NEB: variants seen among roughly 807,000 people sequenced by gnomAD.
NEB encodes nemaline myopathy type 2.
NEB carries 512 observed loss-of-function variants against 952.2 expected under a neutral mutation model. The observed-to-expected ratio is 0.54, with a 90% confidence interval of 0.50 to 0.58. The LOEUF (loss-of-function observed/expected upper bound fraction) is 0.58, where lower values mean the gene tolerates loss of function less well. NEB is among the 20% of genes least tolerant of loss of function. The pLI, the probability that NEB is intolerant of heterozygous loss-of-function variation, is 0.00. For missense variants in NEB, 8,428 were observed against 9,231.1 expected, an observed-to-expected ratio of 0.91 and a Z score of 3.56; for synonymous variants, 2,900 against 3,149.8, an observed-to-expected ratio of 0.92 and a Z score of 2.66.
chr2:151,630,862 A>G, intron 66 of NEB, 43 bp from the exon 67 acceptor site: 2 of 1,479,624 alleles, frequency 1.4e-6, no homozygotes, highest in African/African-American at 2.8e-5. Flanking sequence ...CATTTGAAAT[A>G]GAAATGACAA....
chr2:151,630,919 G>T, intron 66 of NEB, 100 bp from the exon 67 acceptor site: 1 of 1,223,996 alleles, frequency 8.2e-7, no homozygotes, highest in Non-Finnish European at 1.1e-6. Flanking sequence ...GGAAAAATAA[G>T]CCAGACTTGA....
chr2:151,499,371 A>T lies in NEB; in HGVS notation c.24041T>A (p.Val8014Asp), dbSNP rs200269437. The stretch of plus-strand genomic sequence containing the variant: ...GATGGGGATTGGAATCCCTTTTCCA[A>T]CGTTTTCTTTATACAACACCTGTAT... ...NFSSVLYKEN[V>D]GKGIPIPITP... The change falls in exon 169 of 182, where the codon GTT becomes GAT. Residue 8014 changes from valine (V) to aspartate (D), a missense_variant. Val to Asp is a radical substitution (Grantham distance 152, BLOSUM62 -3). Coordinates refer to ENST00000397345, the MANE Select transcript of NEB (RefSeq NM_001164508.2). 6.5e-7 allele frequency: 1 copy of T among 1,544,012 alleles called. No homozygotes were observed. Among genetic ancestry groups the T allele is most frequent in the East Asian group, 2.5e-5 (1 of 40,654 alleles).
intron 11 of NEB, among the ~76,000 whole-genome samples, chr2:151,710,019 C>T (rs1330665943): frequency 6.6e-6 from 1 of 152,056 alleles, no homozygotes; most frequent in Non-Finnish European, 1.5e-5. Context: ...CTCTTAAGGG[C>T]CAGGAGCAGG....
At chr2:151,697,804 C>T (rs2099606925) in intron 13 of NEB, among the ~76,000 whole-genome samples, 156 bp from the exon 14 acceptor site, 1 of 152,216 alleles carries the variant, frequency 6.6e-6, no homozygotes, top group South Asian at 2.1e-4. Context: ...CGGCGGCTCA[C>T]GCCTGTAATC....
intron 78 of NEB, among the ~76,000 whole-genome samples, chr2:151,611,364 A>C (rs1454382100): frequency 6.6e-6 from 1 of 152,202 alleles, no homozygotes; most frequent in East Asian, 1.9e-4. Context: ...AAAATGCCCA[A>C]GTCATAGCAG....
intron 138 of NEB, among the ~76,000 whole-genome samples, chr2:151,538,643 A>AG (rs958367399): frequency 2.6e-5 from 4 of 152,006 alleles, no homozygotes; most frequent in African/African-American, 9.7e-5. Context: ...TTCATTTGAG[A>AG]GAAAAAAAAA....
In NEB at chr2:151,512,019, CTTTTTTT is replaced by C. The variant is rs71403173; in HGVS notation, c.23346+707_23346+713del. On this transcript the variant is annotated intron_variant, in intron 161 of 181. Transcript: ENST00000397345. The stretch of plus-strand genomic sequence containing the variant: ...CTGCATCATAGGTTACCCTCTCACT[CTTTTTTT>C]TTTTTTTTTTTTTTTTTTTTTTGAG... Among the ~76,000 whole-genome samples, 586 of 93,524 alleles carry C rather than the reference CTTTTTTT, an allele frequency of 6.3e-3. 7 individuals carry two copies. The highest frequency in any genetic ancestry group is 9.5e-3 in the African/African-American group (221 of 23,288). 61.4% of individuals were successfully genotyped at this position (93,524 alleles called of 152,430 possible).
At chr2:151,511,428 C>T (rs942219969) in intron 161 of NEB, among the ~76,000 whole-genome samples, 5 of 152,130 alleles carry the variant, frequency 3.3e-5, no homozygotes, top group African/African-American at 1.2e-4. Context: ...ATCCTTGATT[C>T]CCCAACCTGA....
rs552113061 is a variant in NEB at position 151,619,356 on chromosome 2, T to C, written c.10872+95A>G. On this transcript the variant is annotated intron_variant, in intron 73 of 181. Coordinates refer to ENST00000397345, the MANE Select transcript of NEB (RefSeq NM_001164508.2). ...ATTTAATTGTAAATTGTTTGAAATA[T>C]ACAAACAAATTGCAGTTCATTGGCA... is the stretch of plus-strand genomic sequence containing the variant. 1.6e-4 allele frequency: 198 copies of C among 1,274,732 alleles called. 3 individuals are homozygous for C. The South Asian group carries it at 2.1e-3, about 13-fold the overall frequency. 79.0% of individuals were successfully genotyped at this position (1,274,732 alleles called of 1,614,324 possible).
chr2:151,560,093 A>G (rs1187210873), intron 124 of NEB, among the ~76,000 whole-genome samples: 4 of 152,174 alleles, frequency 2.6e-5, no homozygotes, highest in African/African-American at 9.6e-5. Flanking sequence ...TTGTTTTACA[A>G]TTATGTTTAT....
At chr2:151,622,127 A>C (rs1185537640) in intron 71 of NEB, among the ~76,000 whole-genome samples, 1 of 152,118 alleles carries the variant, frequency 6.6e-6, no homozygotes, top group Non-Finnish European at 1.5e-5. Flanking sequence ...CAGCCACCCG[A>C]GTAGCTGGGA....
At chr2:151,526,098 G>T (rs1156690356) in intron 149 of NEB, 30 bp from the exon 150 acceptor site, 9 of 1,611,264 alleles carry the variant, frequency 5.6e-6, no homozygotes, top group Non-Finnish European at 7.6e-6. Flanking sequence ...GCTCATTAAG[G>T]CATCTGCCTG....
chr2:151,705,510 G>A (rs2099701954), intron 13 of NEB, among the ~76,000 whole-genome samples: 1 of 152,176 alleles, frequency 6.6e-6, no homozygotes. Flanking sequence ...ATGGAAAACA[G>A]TATGGAGATT....
chr2:151,627,511 T>C lies in NEB; in HGVS notation c.10143+12A>G. The C allele has an allele frequency of 3.7e-6, 6 of 1,611,970 alleles. No individual in the cohort carries two copies. The highest frequency in any genetic ancestry group is 5.1e-6 in the Non-Finnish European group (6 of 1,178,100). On this transcript the variant is annotated intron_variant, in intron 69 of 181. Transcript: ENST00000397345. The stretch of plus-strand genomic sequence containing the variant: ...ATTATGAGCACAGTTACCATGGATC[T>C]TAATTACTCACATCGCTCTGGAGGT...
chr2:151,554,044 A>G lies in NEB; in HGVS notation c.19429-19T>C, dbSNP rs777639066. 1.9e-6 allele frequency: 3 copies of G among 1,611,064 alleles called. No homozygotes were observed. Among genetic ancestry groups the G allele is most frequent in the South Asian group, 2.2e-5 (2 of 90,852 alleles). The stretch of plus-strand genomic sequence containing the variant: ...ACAGGCGCTGTAAAGTTAAAATCAC[A>G]TGCCAGTTATACAGGAAATTGTGCC... On this transcript the variant is annotated intron_variant, in intron 125 of 181. Coordinates refer to ENST00000397345, the MANE Select transcript of NEB (RefSeq NM_001164508.2).
chr2:151,666,828 C>G (rs989915757), intron 40 of NEB, among the ~76,000 whole-genome samples: 1 of 152,010 alleles, frequency 6.6e-6, no homozygotes. Context: ...TCCCAAAGTG[C>G]TAGGATTAGA....
Position 151,687,657 on chromosome 2 carries a change from G to A in NEB, c.2492C>T (p.Ala831Val). 3.1e-6 allele frequency: 5 copies of A among 1,611,288 alleles called. No individual in the cohort carries two copies. Among genetic ancestry groups the A allele is most frequent in the Non-Finnish European group, 3.4e-6 (4 of 1,178,324 alleles). ...GGTGTTCTTGGTGTTGGCTTTGGCT[G>A]CCAACAGGGGAATGGCGTCCACTTT... ...DIKVDAIPLLAAKANTKNTSD... is the reference protein window; with the variant it reads ...DIKVDAIPLLVAKANTKNTSD... Residue 831 changes from alanine to valine, a missense_variant, in exon 26 of 182, where the codon GCA (alanine) becomes GTA (valine). Ala to Val is a moderately conservative substitution (Grantham distance 64). Around this residue, in one of 11 missense-constraint regions of NEB, gnomAD observed 2,851 missense variants for 2,791.5 expected, o/e 1.02. Transcript: ENST00000397345.
At chr2:151,524,193 T>C in intron 153 of NEB, 118 bp downstream of exon 153, 1 of 817,230 alleles carries the variant, frequency 1.2e-6, no homozygotes, top group Admixed American at 2.3e-5. Context: ...TTGGAAGCTT[T>C]GCAGTACTAT....
In NEB at chr2:151,569,309, A is replaced by G; in HGVS notation, c.17494T>C (p.Ser5832Pro). 1 of 1,613,970 alleles carries G rather than the reference A, an allele frequency of 6.2e-7. No homozygotes were observed. Among genetic ancestry groups the G allele is most frequent in the Non-Finnish European group, 8.5e-7 (1 of 1,179,854 alleles). Residue 5832 changes from serine (S) to proline (P), a missense_variant, in exon 110 of 182, where the codon TCC (serine) becomes CCC (proline). Coordinates refer to ENST00000397345, the MANE Select transcript of NEB (RefSeq NM_001164508.2). ...GCGGCATGTTTGGCATGATTGACGGACACGGAGTCATTTGGCATCCACCCA... is the reference window on the plus strand; with the variant it reads ...GCGGCATGTTTGGCATGATTGACGGGCACGGAGTCATTTGGCATCCACCCA... ...GIGWMPNDSVSVNHAKHAADI... is the reference protein window; with the variant it reads ...GIGWMPNDSVPVNHAKHAADI...
Sources: gnomAD v4.1 joint callset for allele counts (sites outside exome capture counted in the v4.1 genomes callset) on GRCh38, gnomAD v4.1.1 for gene constraint, gnomAD v4.1.1 regional missense constraint, MANE v1.5 for transcripts, NCBI Gene and HGNC (gene_info 2026-07-23, HGNC 2026-07-21) for gene names.